Variants in MAPT observed in about 807,000 individuals in gnomAD.
MAPT encodes the protein microtubule associated protein tau, also known as microtubule-associated protein tau.
Under a neutral mutation model 67.9 loss-of-function variants are expected in MAPT, and 34 were observed. The observed-to-expected ratio is 0.50, with a 90% CI of 0.38 to 0.67. The LOEUF is 0.67. Ranked by LOEUF, MAPT falls within the 30% of genes least tolerant of loss-of-function variation. The pLI is 0.00. For missense variants in MAPT, 881 were observed against 1,115.2 expected, an observed-to-expected ratio of 0.79 and a Z score of 2.99; for synonymous variants, 456 against 464.5, an observed-to-expected ratio of 0.98 and a Z score of 0.23.
intron 4 of MAPT, 97 bp downstream of exon 4, chr17:45,978,537 A>T: frequency 1.0e-6 from 1 of 973,550 alleles, no homozygotes; most frequent in Non-Finnish European, 1.6e-6. Context: ...CTGAGCTCTA[A>T]TTCACAAGTC....
Position 46,018,660 on chromosome 17 carries a change from A to G in MAPT, c.2216A>G (p.Lys739Arg), listed in dbSNP as rs2076338253. Reference protein sequence around the residue: ...VEVKSEKLDFKDRVQSKIGSL... With the variant: ...VEVKSEKLDFRDRVQSKIGSL... ...GTAAAATCTGAGAAGCTTGACTTCA[A>G]GGACAGAGTCCAGTCGAAGATTGGG... The change falls in exon 12 of 13, where the codon AAG becomes AGG. Residue 739 changes from lysine to arginine, a missense_variant. Lys to Arg is a conservative substitution (Grantham distance 26, BLOSUM62 2). This residue lies in a region of MAPT where 79 missense variants were observed against 150.9 expected (regional missense o/e 0.52). Coordinates refer to ENST00000262410, the MANE Select transcript of MAPT (RefSeq NM_001377265.1). The G allele has an allele frequency of 6.2e-7, 1 of 1,614,244 alleles. No individual in the cohort carries two copies. Among genetic ancestry groups the G allele is most frequent in the Non-Finnish European group, 8.5e-7 (1 of 1,180,026 alleles).
At chr17:45,904,336 T>TA (rs1436451255) in intron 1 of MAPT, among the ~76,000 whole-genome samples, 11 of 82,580 alleles carry the variant, frequency 1.3e-4, no homozygotes, top group Admixed American at 4.3e-4. Flanking sequence ...ATATTATATA[T>TA]TATATATATA....
intron 2 of MAPT, among the ~76,000 whole-genome samples, chr17:45,970,790 T>G (rs920383384): frequency 1.4e-4 from 21 of 152,240 alleles, no homozygotes; most frequent in African/African-American, 5.1e-4. Context: ...CTGTAACTCC[T>G]GCTTCCTGGT....
chr17:45,933,062 A>C (rs1841438995), intron 1 of MAPT, among the ~76,000 whole-genome samples: 1 of 152,152 alleles, frequency 6.6e-6, no homozygotes, highest in South Asian at 2.1e-4. Flanking sequence ...AGCCCCAGCA[A>C]CAAGAGTGAA....
chr17:45,903,714 CAAAAAAAA>C (rs1222023338), intron 1 of MAPT, among the ~76,000 whole-genome samples: 1 of 37,136 alleles, frequency 2.7e-5, no homozygotes, highest in Non-Finnish European at 5.2e-5. Flanking sequence ...GACTTCTTCT[CAAAAAAAA>C]AAAAAAAAAG....
At chr17:45,966,345 C>T (rs1327567426) in intron 2 of MAPT, among the ~76,000 whole-genome samples, 2 of 152,096 alleles carry the variant, frequency 1.3e-5, no homozygotes, top group Non-Finnish European at 2.9e-5. Flanking sequence ...CCCAGCACTT[C>T]GGAAGGCTGA....
At chr17:45,934,535 G>C (rs537301844) in intron 1 of MAPT, among the ~76,000 whole-genome samples, 1 of 152,282 alleles carries the variant, frequency 6.6e-6, no homozygotes, top group African/African-American at 2.4e-5. Context: ...ATTTGGTTGA[G>C]AACGTATGTC....
intron 8 of MAPT, chr17:45,993,833 G>A (rs2074261082): frequency 1.5e-6 from 2 of 1,351,292 alleles, no homozygotes; most frequent in Non-Finnish European, 2.1e-6. Context: ...CCCCTGCTGG[G>A]CCAGCTGTGG....
chr17:45,984,222 G>A (rs1019643117), intron 5 of MAPT, among the ~76,000 whole-genome samples: 2 of 150,922 alleles, frequency 1.3e-5, no homozygotes, highest in African/African-American at 4.8e-5. Context: ...TGTCCACAAC[G>A]GCCCATCAGC....
rs573267424 is a variant in MAPT at position 45,921,819 on chromosome 17, C to A, written c.-18+27133C>A. Among the ~76,000 whole-genome samples the A allele has an allele frequency of 9.2e-5, 14 of 152,150 alleles. No individual in the cohort carries two copies. The East Asian group carries it at 2.7e-3, about 29-fold the overall frequency. Reference sequence around the variant, plus strand: ...ACTTCTTGAGGCAAGGATTTTGAGACCTTAGGGAAAGAAGGACGTCTTGGG... The same window carrying A: ...ACTTCTTGAGGCAAGGATTTTGAGAACTTAGGGAAAGAAGGACGTCTTGGG... On this transcript the variant is annotated intron_variant, in intron 1 of 12. Coordinates refer to ENST00000262410, the MANE Select transcript of MAPT (RefSeq NM_001377265.1).
chr17:45,903,928 T>TTATATATTTATATATAA (rs2063866373), intron 1 of MAPT, among the ~76,000 whole-genome samples: 1 of 28,446 alleles, frequency 3.5e-5, no homozygotes, highest in Non-Finnish European at 6.5e-5. Flanking sequence ...TTTATATATA[T>TTATATATTTATATATAA]TATATATTTA....
At chr17:46,013,375 C>T (rs978415612) in intron 10 of MAPT, among the ~76,000 whole-genome samples, 1 of 152,260 alleles carries the variant, frequency 6.6e-6, no homozygotes, top group African/African-American at 2.4e-5. Context: ...GTCCCTACAG[C>T]GTGCCCCCCA....
At chr17:45,985,285 G>A (rs1232217247) in intron 5 of MAPT, among the ~76,000 whole-genome samples, 1 of 152,088 alleles carries the variant, frequency 6.6e-6, no homozygotes, top group Non-Finnish European at 1.5e-5. Context: ...AAGCCTGGGC[G>A]ACAGAGTGAG....
intron 1 of MAPT, among the ~76,000 whole-genome samples, chr17:45,904,106 TTA>T (rs1226102912): frequency 2.2e-4 from 6 of 27,466 alleles, no homozygotes; most frequent in African/African-American, 6.4e-4. Context: ...TTATATATAT[TTA>T]TATATATTAT....
intron 4 of MAPT, among the ~76,000 whole-genome samples, chr17:45,981,853 A>G (rs1055633046): frequency 1.3e-5 from 2 of 151,944 alleles, no homozygotes; most frequent in Non-Finnish European, 2.9e-5. Context: ...CGTCTCCACA[A>G]AAATGAAAAA....
chr17:45,950,175 G>A (rs1306565239), intron 1 of MAPT, among the ~76,000 whole-genome samples: 1 of 152,164 alleles, frequency 6.6e-6, no homozygotes, highest in Non-Finnish European at 1.5e-5. Context: ...CCACCTCACA[G>A]GTTACAGTGA....
At chr17:45,908,436 CA>C (rs1222870036) in intron 1 of MAPT, 1 of 152,186 alleles carries the variant, frequency 6.6e-6, no homozygotes, top group Non-Finnish European at 1.5e-5. Flanking sequence ...GCAAGGCAGA[CA>C]AAGTCAGCCC....
intron 12 of MAPT, among the ~76,000 whole-genome samples, chr17:46,021,537 C>A (rs145057437): frequency 4.4e-4 from 67 of 152,310 alleles, no homozygotes; most frequent in African/African-American, 1.4e-3. Context: ...CCCTCACAGT[C>A]TCTGGAAGCT....
intron 4 of MAPT, among the ~76,000 whole-genome samples, chr17:45,982,058 C>G (rs1271340998): frequency 6.8e-6 from 1 of 147,086 alleles, no homozygotes; most frequent in Non-Finnish European, 1.5e-5. Flanking sequence ...AAAAAAAAAA[C>G]TCATGCCTGT....
Sources: gnomAD v4.1 joint callset for allele counts (sites outside exome capture counted in the v4.1 genomes callset) on GRCh38, gnomAD v4.1.1 for gene constraint, gnomAD v4.1.1 regional missense constraint, MANE v1.5 for transcripts, NCBI Gene and HGNC (gene_info 2026-07-23, HGNC 2026-07-21) for gene names.